SLC1A1: variants seen among roughly 807,000 people sequenced by gnomAD.
The protein encoded by SLC1A1 is excitatory amino acid transporter 3.
Under a neutral mutation model 53.3 loss-of-function variants are expected in SLC1A1, and 43 were observed. The ratio of observed to expected loss-of-function variants is 0.81; its 90% CI spans 0.63 to 1.04. The LOEUF (loss-of-function observed/expected upper bound fraction) is 1.04. Among genes scored for constraint, SLC1A1 ranks in the 50% least tolerant of loss-of-function variants. The pLI is 0.00. For synonymous variants in SLC1A1, 307 were observed against 243.2 expected (o/e 1.26, Z -2.44); for missense variants, 748 against 664.9 (o/e 1.12, Z -1.37).
intron 1 of SLC1A1, among the ~76,000 whole-genome samples, chr9:4,499,019 A>C (rs1194874040): frequency 7.6e-6 from 1 of 131,774 alleles, no homozygotes; most frequent in Non-Finnish European, 1.5e-5. Flanking sequence ...ATATATATAT[A>C]AGATTACATA....
intron 2 of SLC1A1, among the ~76,000 whole-genome samples, chr9:4,557,457 T>A (rs1470882986): frequency 1.3e-5 from 2 of 152,136 alleles, no homozygotes; most frequent in Admixed American, 1.3e-4. Flanking sequence ...TCCAATATGA[T>A]AGCCATTAGC....
intron 2 of SLC1A1, among the ~76,000 whole-genome samples, chr9:4,548,922 G>A (rs1041520322): frequency 1.9e-4 from 29 of 152,168 alleles, no homozygotes; most frequent in African/African-American, 6.8e-4. Context: ...GAATATCTGT[G>A]TTTGGGATCT....
Position 4,490,754 on chromosome 9 carries a change from G to T in SLC1A1, c.75G>T (p.Val25=), listed in dbSNP as rs769568545. ...ATAACTGGGTGTTGCTGTCCACCGT[G>T]GCCGCGGTGGTGCTAGGTGAGCGGC... ...LKNNWVLLST[V]AAVVLGITTG... is the part of the protein sequence containing the mutation. The change falls in exon 1 of 12, where the codon GTG becomes GTT. Residue 25 remains valine, a synonymous_variant. Coordinates refer to ENST00000262352, the MANE Select transcript of SLC1A1 (RefSeq NM_004170.6). 2.5e-6 allele frequency: 4 copies of T among 1,612,426 alleles called. No homozygotes were observed. Among genetic ancestry groups the T allele is most frequent in the Non-Finnish European group, 2.5e-6 (3 of 1,178,874 alleles).
chr9:4,525,582 A>G (rs1281758358), intron 1 of SLC1A1, among the ~76,000 whole-genome samples: 2 of 152,166 alleles, frequency 1.3e-5, no homozygotes, highest in Non-Finnish European at 2.9e-5. Context: ...ATATATACTA[A>G]ATATGTTTAG....
intron 7 of SLC1A1, 75 bp downstream of exon 7, chr9:4,572,463 T>G (rs1025055181): frequency 1.5e-6 from 2 of 1,331,682 alleles, no homozygotes; most frequent in East Asian, 2.3e-5. Flanking sequence ...AGAAGAGGTT[T>G]TATGTTTGTC....
chr9:4,510,151 G>A (rs139159582), intron 1 of SLC1A1, among the ~76,000 whole-genome samples: 1 of 152,288 alleles, frequency 6.6e-6, no homozygotes, highest in Non-Finnish European at 1.5e-5. Flanking sequence ...ATAACATCTG[G>A]TGATACTGGT....
chr9:4,493,022 TAAG>T (rs1039130849), intron 1 of SLC1A1, among the ~76,000 whole-genome samples: 8 of 152,306 alleles, frequency 5.3e-5, no homozygotes, highest in East Asian at 1.9e-4. Flanking sequence ...GTTGCGTGAA[TAAG>T]AAGAAGTACA....
intron 1 of SLC1A1, among the ~76,000 whole-genome samples, chr9:4,514,204 A>T (rs568337272): frequency 6.6e-6 from 1 of 152,362 alleles, no homozygotes; most frequent in Admixed American, 6.5e-5. Context: ...GTACACACAC[A>T]TACAAACATG....
intron 1 of SLC1A1, among the ~76,000 whole-genome samples, chr9:4,508,775 G>C (rs951269294): frequency 6.6e-6 from 1 of 152,194 alleles, no homozygotes; most frequent in Non-Finnish European, 1.5e-5. Context: ...AAGTGCAGTG[G>C]CTTCCTGGGC....
At chr9:4,492,675 G>C (rs1820278051) in intron 1 of SLC1A1, among the ~76,000 whole-genome samples, 1 of 151,938 alleles carries the variant, frequency 6.6e-6, no homozygotes, top group Non-Finnish European at 1.5e-5. Flanking sequence ...CACATCTGTA[G>C]TCCTAGCTAC....
chr9:4,503,782 C>A (rs989947336), intron 1 of SLC1A1, among the ~76,000 whole-genome samples: 3 of 151,894 alleles, frequency 2.0e-5, no homozygotes, highest in African/African-American at 7.3e-5. Flanking sequence ...ATCATAGCAT[C>A]CAGCATTGTA....
At chr9:4,528,399 C>T (rs1252170543) in intron 1 of SLC1A1, among the ~76,000 whole-genome samples, 3 of 152,052 alleles carry the variant, frequency 2.0e-5, no homozygotes, top group Admixed American at 6.6e-5. Flanking sequence ...GGTGAAACCC[C>T]GTCTCTACTA....
intron 1 of SLC1A1, among the ~76,000 whole-genome samples, chr9:4,535,681 C>T (rs920974452): frequency 3.4e-4 from 52 of 152,226 alleles, no homozygotes; most frequent in Admixed American, 1.0e-3. Context: ...CTACCAATGA[C>T]TTTCTTCACA....
At chr9:4,568,978 T>C (rs557689076) in intron 6 of SLC1A1, among the ~76,000 whole-genome samples, 1 of 152,200 alleles carries the variant, frequency 6.6e-6, no homozygotes, top group Non-Finnish European at 1.5e-5. Context: ...CTTAACCCTG[T>C]ATTTCCCCCA....
At position 4,564,474 on chromosome 9, in the gene SLC1A1, C is replaced by T. The variant is rs375238667; in HGVS notation, c.440+16C>T. The T allele has an allele frequency of 3.3e-6, 5 of 1,536,700 alleles. No homozygotes were observed. Among genetic ancestry groups the T allele is most frequent in the Non-Finnish European group, 4.5e-6 (5 of 1,112,160 alleles). On this transcript the variant is annotated intron_variant, in intron 4 of 11. Transcript: ENST00000262352. ...ATCTCATCAGGTGAGTGTTTTGCCA[C>T]AAGGTGGCTTCAAGGGCATGCGGAT...
intron 1 of SLC1A1, among the ~76,000 whole-genome samples, chr9:4,506,569 G>GAAAA (rs368321633): frequency 6.8e-6 from 1 of 147,806 alleles, no homozygotes. Context: ...TATTTATTTT[G>GAAAA]AAAAAAAAAA....
intron 4 of SLC1A1, 21 bp downstream of exon 4, chr9:4,564,479 T>A (rs774765265): frequency 6.7e-7 from 1 of 1,492,530 alleles, no homozygotes; most frequent in Non-Finnish European, 9.3e-7. Flanking sequence ...TGCCACAAGG[T>A]GGCTTCAAGG....
intron 1 of SLC1A1, among the ~76,000 whole-genome samples, chr9:4,531,588 CT>C (rs1380047947): frequency 1.3e-5 from 2 of 152,196 alleles, no homozygotes; most frequent in Non-Finnish European, 2.9e-5. Context: ...CCCACTGCCC[CT>C]CAAGGAGGCC....
intron 1 of SLC1A1, among the ~76,000 whole-genome samples, chr9:4,491,240 A>T (rs1820226737): frequency 6.6e-6 from 1 of 152,170 alleles, no homozygotes. Flanking sequence ...GGCCTCCGGG[A>T]TGGGCCGGAC....
Sources: gnomAD v4.1 joint callset for allele counts (sites outside exome capture counted in the v4.1 genomes callset) on GRCh38, gnomAD v4.1.1 for gene constraint, MANE v1.5 for transcripts, NCBI Gene and HGNC (gene_info 2026-07-23, HGNC 2026-07-21) for gene names.